The following MGMT variants were observed in gnomAD, a reference collection of about 807,000 sequenced individuals.
MGMT encodes the protein methylated-DNA--protein-cysteine methyltransferase.
Under a neutral mutation model 15.9 loss-of-function variants are expected in MGMT, and 14 were observed. The observed-to-expected ratio is 0.88, with a 90% CI of 0.58 to 1.37. The LOEUF (loss-of-function observed/expected upper bound fraction) is 1.37. Among genes scored for constraint, MGMT ranks in the 40% most tolerant of loss-of-function variants. MGMT has a pLI of 0.00. For synonymous variants in MGMT, 130 were observed against 118.2 expected (o/e 1.10, Z -0.65); for missense variants, 282 against 268.1 (o/e 1.05, Z -0.36).
intron 2 of MGMT, among the ~76,000 whole-genome samples, chr10:129,555,630 G>A (rs1170788432): frequency 6.6e-6 from 1 of 152,052 alleles, no homozygotes; most frequent in Non-Finnish European, 1.5e-5. Context: ...CGGGAGGACC[G>A]CTTGAGCCCA....
At chr10:129,521,411 C>T (rs1845809057) in intron 1 of MGMT, among the ~76,000 whole-genome samples, 1 of 152,138 alleles carries the variant, frequency 6.6e-6, no homozygotes, top group South Asian at 2.1e-4. Flanking sequence ...AATTCAGAGA[C>T]CTGCAGTGTG....
chr10:129,619,167 G>A (rs1374669475), intron 2 of MGMT, among the ~76,000 whole-genome samples: 5 of 152,248 alleles, frequency 3.3e-5, no homozygotes, highest in African/African-American at 1.2e-4. Flanking sequence ...TATTACGGAA[G>A]GGTGTGTCAT....
rs537287346 is a variant in MGMT, at chr10:129,648,948, C to T, written c.126-58947C>T. ...CAGTTAAAAGCATCTGTGGTCTGGG[C>T]GGAGGGAGCTTTGAGTACAATGGAA... On this transcript the variant is annotated intron_variant, in intron 2 of 4. Coordinates refer to ENST00000651593, the MANE Select transcript of MGMT (RefSeq NM_002412.5). Among the ~76,000 whole-genome samples, 568 of 152,264 alleles carry T rather than the reference C, an allele frequency of 3.7e-3. 5 individuals are homozygous for T. Among genetic ancestry groups the T allele is most frequent in the African/African-American group, 0.013 (532 of 41,560 alleles).
intron 4 of MGMT, among the ~76,000 whole-genome samples, chr10:129,760,174 C>T (rs952843455): frequency 1.3e-5 from 2 of 152,198 alleles, no homozygotes; most frequent in African/African-American, 4.8e-5. Context: ...GCAGCTGGGC[C>T]GCGGGCCATC....
chr10:129,561,571 A>C (rs149934091), intron 2 of MGMT, among the ~76,000 whole-genome samples: 1 of 152,154 alleles, frequency 6.6e-6, no homozygotes, highest in Non-Finnish European at 1.5e-5. Context: ...TGTCAAGGTG[A>C]TATCTTGTCT....
intron 1 of MGMT, among the ~76,000 whole-genome samples, chr10:129,503,033 C>T (rs966546380): frequency 9.2e-5 from 14 of 151,740 alleles, no homozygotes; most frequent in Admixed American, 2.0e-4. Context: ...TGTTTATGTG[C>T]GTGGTCCAGT....
At chr10:129,630,746 G>A (rs1332190800) in intron 2 of MGMT, among the ~76,000 whole-genome samples, 3 of 152,222 alleles carry the variant, frequency 2.0e-5, no homozygotes, top group Non-Finnish European at 2.9e-5. Flanking sequence ...ATGGTGAACT[G>A]GCAAAGGCTG....
At chr10:129,602,280 G>A (rs892721000) in intron 2 of MGMT, among the ~76,000 whole-genome samples, 2 of 151,970 alleles carry the variant, frequency 1.3e-5, no homozygotes, top group African/African-American at 4.8e-5. Context: ...CACTTTACTA[G>A]TCAGGCATGT....
At chr10:129,599,682 C>A (rs1039414316) in intron 2 of MGMT, among the ~76,000 whole-genome samples, 1 of 152,172 alleles carries the variant, frequency 6.6e-6, no homozygotes, top group African/African-American at 2.4e-5. Flanking sequence ...TGCTTTCACA[C>A]ACGATTCACT....
intron 2 of MGMT, among the ~76,000 whole-genome samples, chr10:129,540,696 G>A (rs1846033744): frequency 1.3e-5 from 2 of 152,190 alleles, no homozygotes; most frequent in Non-Finnish European, 2.9e-5. Flanking sequence ...TCATTCTGAT[G>A]ACAGATCAAT....
chr10:129,529,821 GTATGT>G lies in MGMT; in HGVS notation c.-12-6416_-12-6412del, dbSNP rs1029180417. The stretch of plus-strand genomic sequence containing the variant: ...AACAGTGTAACATTAGCTTTTTTTT[GTATGT>G]TATATTTACCCATGTATTCATAATT... On this transcript the variant is annotated intron_variant, in intron 1 of 4. Coordinates refer to ENST00000651593, the MANE Select transcript of MGMT (RefSeq NM_002412.5). Among the ~76,000 whole-genome samples, 18 of 151,768 alleles carry G rather than the reference GTATGT, an allele frequency of 1.2e-4. 1 individual carries two copies. Among genetic ancestry groups the G allele is most frequent in the South Asian group, 2.1e-4 (1 of 4,802 alleles).
intron 2 of MGMT, among the ~76,000 whole-genome samples, chr10:129,628,228 A>G (rs1171867046): frequency 6.6e-6 from 1 of 152,170 alleles, no homozygotes; most frequent in Non-Finnish European, 1.5e-5. Flanking sequence ...CAAAAACCAT[A>G]ACTTCATGGA....
chr10:129,611,944 T>C (rs527593361), intron 2 of MGMT, among the ~76,000 whole-genome samples: 15 of 152,314 alleles, frequency 9.8e-5, no homozygotes, highest in African/African-American at 3.6e-4. Context: ...CAAATATGAG[T>C]GACCATGGCC....
intron 2 of MGMT, among the ~76,000 whole-genome samples, chr10:129,657,469 TG>T (rs1477362615): frequency 6.6e-6 from 1 of 150,472 alleles, no homozygotes; most frequent in Non-Finnish European, 1.5e-5. Context: ...TTGTCTTGTC[TG>T]GGGGTGGAGG....
At chr10:129,607,633 T>C (rs920722623) in intron 2 of MGMT, among the ~76,000 whole-genome samples, 2 of 152,200 alleles carry the variant, frequency 1.3e-5, no homozygotes, top group African/African-American at 4.8e-5. Context: ...ATATTACAAA[T>C]TGCTGGAATT....
chr10:129,667,544 A>G (rs1487638150), intron 2 of MGMT, among the ~76,000 whole-genome samples: 1 of 152,072 alleles, frequency 6.6e-6, no homozygotes, highest in Non-Finnish European at 1.5e-5. Context: ...GACATTTGGT[A>G]GTTGGAATTT....
chr10:129,681,744 G>T (rs1847854789), intron 2 of MGMT, among the ~76,000 whole-genome samples: 1 of 152,196 alleles, frequency 6.6e-6, no homozygotes, highest in Admixed American at 6.5e-5. Context: ...AGGGCTGATT[G>T]TAGGACTTGT....
At chr10:129,504,335 A>G (rs1362070154) in intron 1 of MGMT, among the ~76,000 whole-genome samples, 1 of 152,230 alleles carries the variant, frequency 6.6e-6, no homozygotes, top group African/African-American at 2.4e-5. Context: ...TAAAGTTTCA[A>G]AGAAAATGAA....
chr10:129,585,639 C>T (rs752391275), intron 2 of MGMT, among the ~76,000 whole-genome samples: 10 of 152,178 alleles, frequency 6.6e-5, no homozygotes, highest in Admixed American at 1.3e-4. Flanking sequence ...GTGAATTCAA[C>T]GTAGTCCTTA....
Sources: allele counts gnomAD v4.1 joint callset (sites outside exome capture counted in the v4.1 genomes callset), GRCh38; gene constraint gnomAD v4.1.1; transcripts MANE v1.5; gene names NCBI Gene and HGNC (gene_info 2026-07-23, HGNC 2026-07-21).